Variants in PTGR1 observed in about 807,000 individuals in gnomAD.
The protein encoded by PTGR1 is 15-oxoprostaglandin 13-reductase.
PTGR1 carries 23 observed loss-of-function variants against 37.7 expected under a neutral mutation model. That is an observed-to-expected ratio of 0.61 (90% confidence interval 0.44 to 0.86). The LOEUF (loss-of-function observed/expected upper bound fraction) is 0.86, where lower values mean the gene tolerates loss of function less well. PTGR1 is among the 40% of genes least tolerant of loss of function. PTGR1 has a pLI of 0.00. For missense variants in PTGR1, 351 were observed against 394.3 expected (o/e 0.89, Z 0.93); for synonymous variants, 134 against 140.0 (o/e 0.96, Z 0.30).
chr9:111,561,429 T>C (rs1328690801), downstream of PTGR1, among the ~76,000 whole-genome samples: 1 of 151,860 alleles, frequency 6.6e-6, no homozygotes, highest in Non-Finnish European at 1.5e-5. Context: ...GCACACACCA[T>C]GCCCAGCTAA....
intron 4 of PTGR1, chr9:111,592,519 C>T (rs552780628): frequency 3.0e-4 from 49 of 161,842 alleles, no homozygotes; most frequent in African/African-American, 1.0e-3. Context: ...GGTGGCACCA[C>T]GGAACCAGAA....
intron 4 of PTGR1, 115 bp downstream of exon 4, chr9:111,592,811 G>A (rs779369321): frequency 7.3e-7 from 1 of 1,361,754 alleles, no homozygotes; most frequent in Non-Finnish European, 9.9e-7. Context: ...AGATCACACA[G>A]TGAGTCAACA....
chr9:111,586,203 A>G (rs759103570), intron 4 of PTGR1, 38 bp from the exon 5 acceptor site: 4 of 1,596,138 alleles, frequency 2.5e-6, no homozygotes, highest in African/African-American at 2.7e-5. Context: ...AAGGCATGTG[A>G]CATGTCTTCC....
chr9:111,595,491 C>A (rs868350649), intron 2 of PTGR1, among the ~76,000 whole-genome samples: 2 of 152,288 alleles, frequency 1.3e-5, no homozygotes, highest in Middle Eastern at 6.8e-3. Flanking sequence ...GAGTGACTCT[C>A]ATGTATTCAT....
At chr9:111,563,465 T>C in intron 9 of PTGR1, 2 of 399,150 alleles carry the variant, frequency 5.0e-6, no homozygotes, top group South Asian at 1.4e-4. Context: ...CGGATCATAG[T>C]GCGAAATGTC....
At chr9:111,597,958 C>T (rs765024536) in intron 1 of PTGR1, among the ~76,000 whole-genome samples, 10 of 151,446 alleles carry the variant, frequency 6.6e-5, no homozygotes, top group Non-Finnish European at 1.5e-4. Context: ...TGAAAACCAC[C>T]GGAGGGCGCC....
intron 9 of PTGR1, 30 bp from the exon 10 acceptor site, chr9:111,563,261 C>T (rs757599317): frequency 6.3e-7 from 1 of 1,591,318 alleles, no homozygotes; most frequent in South Asian, 1.1e-5. Context: ...AATTTTAAAA[C>T]TTAATTTAAT....
chr9:111,574,137 T>C (rs112962419), intron 8 of PTGR1: 34 of 152,330 alleles, frequency 2.2e-4, no homozygotes, highest in African/African-American at 7.7e-4. Flanking sequence ...ACCTGAATAT[T>C]TTACCAGCCA....
chr9:111,580,866 C>A (rs764070989), intron 6 of PTGR1, among the ~76,000 whole-genome samples: 1 of 152,022 alleles, frequency 6.6e-6, no homozygotes, highest in Non-Finnish European at 1.5e-5. Context: ...TCTAGCATAG[C>A]GTCCCTAGGA....
chr9:111,550,944 G>A (rs550653261), intron 9 of PTGR1, among the ~76,000 whole-genome samples: 3 of 152,130 alleles, frequency 2.0e-5, no homozygotes, highest in Non-Finnish European at 4.4e-5. Context: ...CACACTGGAG[G>A]CTTTCCTGAA....
downstream of PTGR1, among the ~76,000 whole-genome samples, chr9:111,560,504 G>A (rs1390135858): frequency 1.3e-5 from 2 of 149,356 alleles, no homozygotes; most frequent in Non-Finnish European, 3.0e-5. Context: ...AGCCGGGCAT[G>A]GTGGCAGGCG....
chr9:111,564,089 CCTA>C, intron 9 of PTGR1: 1 of 206,488 alleles, frequency 4.8e-6, no homozygotes, highest in Non-Finnish European at 9.7e-6. Flanking sequence ...CAAGGCACAG[CCTA>C]CTAATGGGAA....
At chr9:111,580,048 T>C (rs1490118407) in intron 6 of PTGR1, among the ~76,000 whole-genome samples, 2 of 152,194 alleles carry the variant, frequency 1.3e-5, no homozygotes, top group Non-Finnish European at 2.9e-5. Context: ...CAGAAAAAAC[T>C]ATTGCAAGAG....
chr9:111,566,050 A>G (rs1184386884), intron 9 of PTGR1, among the ~76,000 whole-genome samples: 1 of 151,982 alleles, frequency 6.6e-6, no homozygotes, highest in East Asian at 1.9e-4. Flanking sequence ...CATCTCTACT[A>G]AAAATAGCCG....
chr9:111,569,579 C>T (rs2132344677), intron 9 of PTGR1, among the ~76,000 whole-genome samples: 1 of 152,300 alleles, frequency 6.6e-6, no homozygotes, highest in East Asian at 1.9e-4. Context: ...GCCTGGCCAA[C>T]ATGACGAAAA....
chr9:111,573,850 G>A (rs1037795229), intron 8 of PTGR1, among the ~76,000 whole-genome samples: 1 of 152,132 alleles, frequency 6.6e-6, no homozygotes, highest in East Asian at 1.9e-4. Flanking sequence ...GAGCGGGAGG[G>A]ATGTGGTTTC....
rs534769506 is a variant in PTGR1, at chr9:111,576,118, T to C, written c.652-1276A>G. ...AAGGCTGCAGTGAGCTGTCATCACA[T>C]ACTGCACTCCAGATTGGGAGACAGA... On this transcript the variant is annotated intron_variant, in intron 7 of 9. Coordinates refer to ENST00000407693, the MANE Select transcript of PTGR1 (RefSeq NM_001146108.2). 1.3e-4 allele frequency among the ~76,000 whole-genome samples: 20 copies of C among 151,144 alleles called. No individual in the cohort carries two copies. In the South Asian group the frequency reaches 4.2e-3, roughly 32 times the overall value.
chr9:111,594,879 T>G (rs560867661), intron 2 of PTGR1, among the ~76,000 whole-genome samples: 34 of 89,638 alleles, frequency 3.8e-4, no homozygotes, highest in East Asian at 1.7e-3. Context: ...TTTTGAGACC[T>G]AGTCTTGTTC....
In PTGR1 at chr9:111,597,419, C is replaced by G; in HGVS notation, c.4G>C (p.Val2Leu). 6.2e-7 allele frequency: 1 copy of G among 1,607,314 alleles called. No homozygotes were observed. The highest frequency in any genetic ancestry group is 1.3e-5 in the African/African-American group (1 of 74,920). ...TTCAGGGTCCATGTCTTAGTACGAACCATCCTGAAGCTCCTAGAACACAGT... is the reference window on the plus strand; with the variant it reads ...TTCAGGGTCCATGTCTTAGTACGAAGCATCCTGAAGCTCCTAGAACACAGT... M[V>L]RTKTWTLKKH... Residue 2 changes from valine to leucine, a missense_variant, in exon 2 of 10, where the codon GTT becomes CTT. Transcript: ENST00000407693.
Sources: gnomAD v4.1 joint callset for allele counts (sites outside exome capture counted in the v4.1 genomes callset) on GRCh38, gnomAD v4.1.1 for gene constraint, MANE v1.5 for transcripts, NCBI Gene and HGNC (gene_info 2026-07-23, HGNC 2026-07-21) for gene names.